The following SOX6 variants were observed in gnomAD, a reference collection of about 807,000 sequenced individuals.
SOX6 encodes the protein transcription factor SOX-6.
A neutral mutation model predicts 97.8 loss-of-function variants in SOX6; 11 were observed. That is an observed-to-expected ratio of 0.11 (90% confidence interval 0.07 to 0.19). The LOEUF (loss-of-function observed/expected upper bound fraction) is 0.19, where lower values mean the gene tolerates loss of function less well. Among genes scored for constraint, SOX6 ranks in the 10% least tolerant of loss-of-function variants. The pLI, the probability that SOX6 is intolerant of heterozygous loss-of-function variation, is 1.00. For missense variants in SOX6, 810 were observed against 1,039.5 expected (o/e 0.78, Z 3.04); for synonymous variants, 360 against 371.4 (o/e 0.97, Z 0.35).
intron 13 of SOX6, among the ~76,000 whole-genome samples, chr11:16,009,403 A>G (rs1054561514): frequency 2.0e-5 from 3 of 152,078 alleles, no homozygotes; most frequent in African/African-American, 7.2e-5. Context: ...GGATGGAACA[A>G]CCAGAATTTA....
At chr11:16,196,109 A>G (rs1188728230) in intron 4 of SOX6, among the ~76,000 whole-genome samples, 1 of 152,186 alleles carries the variant, frequency 6.6e-6, no homozygotes, top group Non-Finnish European at 1.5e-5. Context: ...ATACAATAAT[A>G]ATAGCTTAAA....
At chr11:16,596,766 G>T (rs1467078224) in intron 4 of SOX6, among the ~76,000 whole-genome samples, 4 of 152,152 alleles carry the variant, frequency 2.6e-5, no homozygotes, top group African/African-American at 9.7e-5. Context: ...TGAACCTCAT[G>T]TTTTGAAAGA....
chr11:16,321,736 C>A (rs1388247582), intron 2 of SOX6, among the ~76,000 whole-genome samples: 2 of 151,998 alleles, frequency 1.3e-5, no homozygotes, highest in Non-Finnish European at 2.9e-5. Flanking sequence ...ACAAAAGCCA[C>A]AAGAATTACT....
intron 3 of SOX6, among the ~76,000 whole-genome samples, chr11:16,281,289 T>C (rs566328419): frequency 3.9e-5 from 6 of 152,184 alleles, no homozygotes; most frequent in African/African-American, 1.4e-4. Context: ...TGGTCATTGC[T>C]ACCCTGCCTG....
intron 3 of SOX6, among the ~76,000 whole-genome samples, chr11:16,706,989 T>A (rs191305839): frequency 4.0e-4 from 61 of 152,250 alleles, no homozygotes; most frequent in Admixed American, 1.0e-3. Context: ...TGGGAATAGA[T>A]GTACCTTTCC....
chr11:16,060,740 G>T (rs759815285), intron 9 of SOX6, among the ~76,000 whole-genome samples: 3 of 151,844 alleles, frequency 2.0e-5, no homozygotes, highest in Non-Finnish European at 4.4e-5. Context: ...GAGCTGAGGA[G>T]AATTCAAAGC....
chr11:16,008,685 CT>C (rs1177517247), intron 13 of SOX6, among the ~76,000 whole-genome samples: 3 of 152,046 alleles, frequency 2.0e-5, no homozygotes, highest in Non-Finnish European at 4.4e-5. Flanking sequence ...TATTTCGGAG[CT>C]TTTAAGACAC....
chr11:16,188,108 A>C (rs987325042), intron 4 of SOX6, among the ~76,000 whole-genome samples: 6 of 152,062 alleles, frequency 3.9e-5, no homozygotes, highest in Non-Finnish European at 8.8e-5. Flanking sequence ...GGAGAAAGAG[A>C]AACTTCAGAG....
chr11:15,992,036 T>C (rs551458801), intron 13 of SOX6, among the ~76,000 whole-genome samples: 2 of 152,326 alleles, frequency 1.3e-5, no homozygotes, highest in East Asian at 3.9e-4. Flanking sequence ...AAGGAATTGA[T>C]TTCACAGCAA....
intron 1 of SOX6, among the ~76,000 whole-genome samples, chr11:16,374,557 C>T (rs1857592055): frequency 1.3e-5 from 2 of 151,974 alleles, no homozygotes; most frequent in Admixed American, 1.3e-4. Context: ...TGTCATTATC[C>T]TTTTCTCCTA....
At position 16,607,969 on chromosome 11, in the gene SOX6, G is replaced by A. The variant is rs942147257; in HGVS notation, n.609+4112C>T. Among the ~76,000 whole-genome samples the A allele has an allele frequency of 6.6e-6, 1 of 152,078 alleles. No individual in the cohort carries two copies. The highest frequency in any genetic ancestry group is 2.4e-5 in the African/African-American group (1 of 41,394). On this transcript the variant is annotated intron_variant and non_coding_transcript_variant, in intron 4 of 5. Coordinates refer to the SOX6 transcript ENST00000524520. The surrounding 1 kb of genome is among the most constrained non-coding windows in gnomAD (Gnocchi z 6.5). Reference sequence around the variant, plus strand: ...GAGAGAGGAGGGCAGAGACATCGGCGAGACCAGAGGTTGGAACTGGGGAAA... The same window carrying A: ...GAGAGAGGAGGGCAGAGACATCGGCAAGACCAGAGGTTGGAACTGGGGAAA...
chr11:16,677,578 G>T (rs752209650), intron 3 of SOX6, among the ~76,000 whole-genome samples: 1 of 152,090 alleles, frequency 6.6e-6, no homozygotes, highest in Non-Finnish European at 1.5e-5. Context: ...CCACTTGGTC[G>T]TGATGAATTA....
chr11:16,472,015 T>C (rs1479340289), intron 1 of SOX6, among the ~76,000 whole-genome samples: 1 of 152,198 alleles, frequency 6.6e-6, no homozygotes, highest in Non-Finnish European at 1.5e-5. Flanking sequence ...AGAAACGACA[T>C]CAACAGTGCC....
At chr11:16,454,413 G>C (rs1462125492) in intron 1 of SOX6, among the ~76,000 whole-genome samples, 1 of 152,066 alleles carries the variant, frequency 6.6e-6, no homozygotes, top group Non-Finnish European at 1.5e-5. Flanking sequence ...TAGCAAAGCA[G>C]GGTGCTCAGT....
At chr11:16,309,610 T>G (rs917639369) in intron 3 of SOX6, among the ~76,000 whole-genome samples, 1 of 152,168 alleles carries the variant, frequency 6.6e-6, no homozygotes, top group African/African-American at 2.4e-5. Flanking sequence ...TTAGAAATTT[T>G]TATTTAGTTG....
chr11:16,559,212 CT>C (rs920151950), intron 4 of SOX6, among the ~76,000 whole-genome samples: 1 of 151,938 alleles, frequency 6.6e-6, no homozygotes, highest in African/African-American at 2.4e-5. Flanking sequence ...AATAAAATAC[CT>C]TTTCACTAGT....
At chr11:16,133,662 GGTTTT>G (rs113326765) in intron 6 of SOX6, among the ~76,000 whole-genome samples, 21,254 of 151,248 alleles carry the variant, frequency 0.14, 2,188 homozygotes, top group East Asian at 0.36. Context: ...TTATTATACA[GGTTTT>G]GTTTTGTTTT....
intron 6 of SOX6, among the ~76,000 whole-genome samples, chr11:16,124,372 AATAC>A (rs1230288948): frequency 6.6e-6 from 1 of 152,118 alleles, no homozygotes; most frequent in Non-Finnish European, 1.5e-5. Flanking sequence ...CACATGAACA[AATAC>A]ATACAGATAT....
At chr11:16,186,585 CT>C (rs1246862092) in intron 5 of SOX6, among the ~76,000 whole-genome samples, 197 bp downstream of exon 5, 4 of 151,960 alleles carry the variant, frequency 2.6e-5, no homozygotes, top group Non-Finnish European at 4.4e-5. Context: ...GCTATGATGC[CT>C]TTTTTGTACA....
Sources: allele counts gnomAD v4.1 joint callset (sites outside exome capture counted in the v4.1 genomes callset), GRCh38; gene constraint gnomAD v4.1.1; non-coding constraint Gnocchi (gnomAD v3.1); transcripts MANE v1.5; gene names NCBI Gene and HGNC (gene_info 2026-07-23, HGNC 2026-07-21).